The following CENPP variants were observed in gnomAD, a reference collection of about 807,000 sequenced individuals.
CENPP encodes the protein centromere protein P.
Under a neutral mutation model 35.6 loss-of-function variants are expected in CENPP, and 24 were observed. The ratio of observed to expected loss-of-function variants is 0.67; its 90% CI spans 0.49 to 0.95. The LOEUF (loss-of-function observed/expected upper bound fraction) is 0.95. CENPP is among the 40% of genes least tolerant of loss of function. The probability of loss-of-function intolerance (pLI) is 0.00; values close to 1 mark genes in which losing one functional copy is unlikely to be tolerated. For synonymous variants in CENPP, 120 were observed against 125.5 expected (o/e 0.96, Z 0.29); for missense variants, 332 against 345.3 (o/e 0.96, Z 0.31).
Position 92,606,872 on chromosome 9 carries a change from C to T in CENPP, c.565-4442C>T, listed in dbSNP as rs576299170. On this transcript the variant is annotated intron_variant, in intron 5 of 7. Coordinates refer to ENST00000375587, the MANE Select transcript of CENPP (RefSeq NM_001012267.3). ...CAGCTACTCAGGAAGCTGAGGCAGG[C>T]GAATCGCTTGAATCCAGGAGGCAGA... Among the ~76,000 whole-genome samples, 11 of 152,124 alleles carry T rather than the reference C, an allele frequency of 7.2e-5. No individual in the cohort carries two copies. In the South Asian group the frequency reaches 2.1e-3, roughly 29 times the overall value.
chr9:92,357,036 T>C (rs1841607129), intron 4 of CENPP, among the ~76,000 whole-genome samples: 2 of 152,218 alleles, frequency 1.3e-5, no homozygotes, highest in South Asian at 4.1e-4. Flanking sequence ...TAATGTGGAG[T>C]CACAAATGAA....
chr9:92,564,281 C>G (rs372719739), intron 5 of CENPP, among the ~76,000 whole-genome samples: 250 of 151,922 alleles, frequency 1.6e-3, no homozygotes, highest in African/African-American at 5.8e-3. Flanking sequence ...CCCAGCTGCT[C>G]GGGCGGCTGA....
At chr9:92,500,287 A>G (rs1236655613) in intron 5 of CENPP, among the ~76,000 whole-genome samples, 1 of 152,058 alleles carries the variant, frequency 6.6e-6, no homozygotes, top group Non-Finnish European at 1.5e-5. Flanking sequence ...GGTTCAAACA[A>G]TTCTCCCACC....
At chr9:92,534,389 A>G (rs73522338) in intron 5 of CENPP, among the ~76,000 whole-genome samples, 2,123 of 152,278 alleles carry the variant, frequency 0.014, 57 homozygotes, top group African/African-American at 0.048. Flanking sequence ...TAGTTAGTTC[A>G]TAGTCTGACT....
At chr9:92,541,232 C>T (rs1849311438) in intron 5 of CENPP, among the ~76,000 whole-genome samples, 1 of 152,180 alleles carries the variant, frequency 6.6e-6, no homozygotes, top group South Asian at 2.1e-4. Context: ...GCACGCCAGC[C>T]TGGGTGACAG....
In CENPP at chr9:92,337,666, TCTG is replaced by T. The variant is rs759317134; in HGVS notation, c.378+40_378+42del. 18 of 1,264,526 alleles carry T rather than the reference TCTG, an allele frequency of 1.4e-5. No homozygotes were observed. The South Asian group carries it at 2.2e-4, about 15-fold the overall frequency. The allele number at this position is 1,264,526 out of a possible 1,614,324, so 78.3% of individuals were successfully genotyped here. A position where few individuals can be genotyped will look rare whatever the true frequency, so the allele number is the denominator to read the frequency against. On this transcript the variant is annotated intron_variant, in intron 3 of 7. Coordinates refer to ENST00000375587, the MANE Select transcript of CENPP (RefSeq NM_001012267.3). ...AGCATGTTGTGATAACAGAGATACT[TCTG>T]CTATGAGATAAACAATTCCCACACC...
chr9:92,427,337 AT>A (rs1843993294), intron 5 of CENPP, among the ~76,000 whole-genome samples: 1 of 151,884 alleles, frequency 6.6e-6, no homozygotes, highest in South Asian at 2.1e-4. Context: ...TAATTTTTGT[AT>A]TTTTAGTAGA....
chr9:92,532,014 TG>T (rs1277365976), intron 5 of CENPP, among the ~76,000 whole-genome samples: 14 of 117,594 alleles, frequency 1.2e-4, no homozygotes, highest in South Asian at 4.9e-4. Context: ...TTTTATTTAA[TG>T]TTTTTTTTTT....
chr9:92,470,701 C>T, intron 5 of CENPP: 1 of 1,580,756 alleles, frequency 6.3e-7, no homozygotes, highest in South Asian at 1.2e-5. Flanking sequence ...AAATCATTTT[C>T]TTTGATTTCC....
chr9:92,331,672 A>C (rs1379717507), intron 1 of CENPP, among the ~76,000 whole-genome samples: 2 of 152,196 alleles, frequency 1.3e-5, no homozygotes, highest in African/African-American at 4.8e-5. Context: ...TTGAAATTAA[A>C]GATTGTGGGC....
At chr9:92,430,340 A>G (rs1203763279) in intron 5 of CENPP, among the ~76,000 whole-genome samples, 1 of 150,710 alleles carries the variant, frequency 6.6e-6, no homozygotes, top group African/African-American at 2.4e-5. Context: ...ACTTTTAACT[A>G]TTATTTTCCA....
At chr9:92,487,356 T>C (rs1001793837) in intron 5 of CENPP, among the ~76,000 whole-genome samples, 1 of 151,874 alleles carries the variant, frequency 6.6e-6, no homozygotes, top group African/African-American at 2.4e-5. Context: ...GTTTGCAGAG[T>C]TTACCAAGGA....
Position 92,462,101 on chromosome 9 carries a change from C to T in CENPP, c.564+82242C>T, listed in dbSNP as rs1054108733. Among the ~76,000 whole-genome samples, 2 of 152,094 alleles carry T rather than the reference C, an allele frequency of 1.3e-5. 1 individual carries two copies. Among genetic ancestry groups the T allele is most frequent in the Admixed American group, 1.3e-4 (2 of 15,270 alleles). ...CAACTGATTCTCTTGCCTCAGCCTCCCAAGTAGCTGGGACTACAGGTGTGC... is the reference window on the plus strand; with the variant it reads ...CAACTGATTCTCTTGCCTCAGCCTCTCAAGTAGCTGGGACTACAGGTGTGC... On this transcript the variant is annotated intron_variant, in intron 5 of 7. Transcript: ENST00000375587.
chr9:92,407,469 A>G (rs1418895934), intron 5 of CENPP, among the ~76,000 whole-genome samples: 2 of 152,204 alleles, frequency 1.3e-5, no homozygotes, highest in East Asian at 3.8e-4. Flanking sequence ...AAATGCTTGA[A>G]ACTGAGGTGA....
intron 5 of CENPP, among the ~76,000 whole-genome samples, chr9:92,449,725 T>C (rs1291086282): frequency 2.6e-5 from 4 of 151,912 alleles, no homozygotes; most frequent in Non-Finnish European, 5.9e-5. Flanking sequence ...TCTCATGAGA[T>C]CAGGTCATTT....
At position 92,357,791 on chromosome 9, in the gene CENPP, G is replaced by A. The variant is rs541324303; in HGVS notation, c.467+12004G>A. ...ATTACAGGTGTGAGCCACCGCACCC[G>A]GCCACTATCTCCCTCACTTTTTAAG... On this transcript the variant is annotated intron_variant, in intron 4 of 7. Coordinates refer to ENST00000375587, the MANE Select transcript of CENPP (RefSeq NM_001012267.3). Among the ~76,000 whole-genome samples the A allele has an allele frequency of 1.4e-4, 22 of 151,914 alleles. No homozygotes were observed. In the East Asian group the frequency reaches 2.5e-3, roughly 17 times the overall value.
At position 92,612,948 on chromosome 9, in the gene CENPP, G is replaced by A. The variant is rs530201833; in HGVS notation, c.737-71G>A. The A allele has an allele frequency of 3.8e-6, 6 of 1,587,684 alleles. No homozygotes were observed. The East Asian group carries it at 1.3e-4, about 35-fold the overall frequency. On this transcript the variant is annotated intron_variant, in intron 7 of 7. Transcript: ENST00000375587. The stretch of plus-strand genomic sequence containing the variant: ...AGTGCGGGGTCTTGGTGAGGTCCAT[G>A]CCAGCAGAAAACAAAAGACCAAAAG...
chr9:92,414,910 A>G lies in CENPP; in HGVS notation c.564+35051A>G, dbSNP rs74396514. On this transcript the variant is annotated intron_variant, in intron 5 of 7. Transcript: ENST00000375587. ...TTTAAAAAGAGCATAAGAAACCATT[A>G]ACGTTTAATTTATGATTCCCACTTG... The G allele has an allele frequency of 4.4e-4, 142 of 319,884 alleles. 2 individuals are homozygous for G. The East Asian group carries it at 6.8e-3, about 15-fold the overall frequency. 19.8% of individuals were successfully genotyped at this position (319,884 alleles called of 1,614,324 possible). A position where few individuals can be genotyped will look rare whatever the true frequency, so the allele number is the denominator to read the frequency against.
chr9:92,365,981 C>A (rs1418605185), intron 4 of CENPP, among the ~76,000 whole-genome samples: 1 of 151,458 alleles, frequency 6.6e-6, no homozygotes, highest in East Asian at 2.0e-4. Context: ...GAGATCGAGA[C>A]CATCCTGGCT....
Sources: gnomAD v4.1 joint callset for allele counts (sites outside exome capture counted in the v4.1 genomes callset) on GRCh38, gnomAD v4.1.1 for gene constraint, MANE v1.5 for transcripts, NCBI Gene and HGNC (gene_info 2026-07-23, HGNC 2026-07-21) for gene names.